FSIP1: variants seen among roughly 807,000 people sequenced by gnomAD.
The protein encoded by FSIP1 is fibrous sheath interacting protein 1, also known as fibrous sheath-interacting protein 1.
In FSIP1, 65 loss-of-function variants were observed where a neutral mutation model predicts 60.9. That is an observed-to-expected ratio of 1.07 (90% CI 0.87 to 1.31). The LOEUF is 1.31. Ranked by LOEUF, FSIP1 falls within the 40% of genes most tolerant of loss-of-function variation. The pLI, the probability that FSIP1 is intolerant of heterozygous loss-of-function variation, is 0.00. For synonymous variants in FSIP1, 209 were observed against 221.2 expected (o/e 0.94, Z 0.49); for missense variants, 675 against 665.5 (o/e 1.01, Z -0.16).
In FSIP1 at chr15:39,674,896, G is replaced by A. The variant is rs185522536; in HGVS notation, c.1188+38548C>T. Among the ~76,000 whole-genome samples the A allele has an allele frequency of 2.7e-3, 414 of 151,972 alleles. 4 individuals carry two copies. Among genetic ancestry groups the A allele is most frequent in the African/African-American group, 9.7e-3 (403 of 41,476 alleles). On this transcript the variant is annotated intron_variant, in intron 10 of 11. Coordinates refer to ENST00000350221, the MANE Select transcript of FSIP1 (RefSeq NM_152597.5). ...CATCAAAAGTCACCTTATAAAAAGT[G>A]GAAAAAAGCTACAAACTGGGAGAGG...
intron 10 of FSIP1, among the ~76,000 whole-genome samples, chr15:39,634,710 T>A (rs922042547): frequency 1.2e-4 from 19 of 152,200 alleles, no homozygotes; most frequent in Admixed American, 5.9e-4. Flanking sequence ...AAATAAAGTA[T>A]CTAAAACACA....
intron 10 of FSIP1, among the ~76,000 whole-genome samples, chr15:39,650,724 G>A (rs187226875): frequency 1.4e-4 from 22 of 152,284 alleles, no homozygotes; most frequent in East Asian, 9.6e-4. Context: ...GCATCTCAGC[G>A]TTGTGATTCT....
intron 11 of FSIP1, among the ~76,000 whole-genome samples, chr15:39,611,422 G>A (rs982368938): frequency 6.6e-5 from 10 of 152,012 alleles, no homozygotes; most frequent in Admixed American, 4.6e-4. Context: ...AAGTAGATGG[G>A]ACTACAGGTA....
chr15:39,712,407 A>G (rs1323230165), intron 10 of FSIP1, among the ~76,000 whole-genome samples: 1 of 152,194 alleles, frequency 6.6e-6, no homozygotes, highest in East Asian at 1.9e-4. Flanking sequence ...TACAAAAACC[A>G]GGTTATAAGT....
At chr15:39,646,471 G>A (rs571161138) in intron 10 of FSIP1, among the ~76,000 whole-genome samples, 1 of 133,898 alleles carries the variant, frequency 7.5e-6, no homozygotes, top group East Asian at 2.3e-4. Flanking sequence ...ATTGCTTGAG[G>A]CCAGGAGTTC....
intron 9 of FSIP1, among the ~76,000 whole-genome samples, chr15:39,725,433 G>T (rs2140590048): frequency 6.6e-6 from 1 of 152,234 alleles, no homozygotes; most frequent in Middle Eastern, 3.4e-3. Flanking sequence ...TGTTTCCTTG[G>T]AACACCTTCA....
chr15:39,694,848 A>C (rs1309562815), intron 10 of FSIP1, among the ~76,000 whole-genome samples: 1 of 151,948 alleles, frequency 6.6e-6, no homozygotes, highest in Non-Finnish European at 1.5e-5. Context: ...ATATATAAAG[A>C]CTCATTTTTA....
intron 5 of FSIP1, among the ~76,000 whole-genome samples, chr15:39,748,427 T>TG (rs1897065287): frequency 6.6e-6 from 1 of 152,122 alleles, no homozygotes; most frequent in Non-Finnish European, 1.5e-5. Flanking sequence ...GAATTTTCCC[T>TG]GGGGGTATTA....
intron 10 of FSIP1, among the ~76,000 whole-genome samples, chr15:39,703,023 C>A (rs1281554559): frequency 6.7e-6 from 1 of 150,300 alleles, no homozygotes; most frequent in African/African-American, 2.5e-5. Flanking sequence ...ATTCTTGTTG[C>A]CCAGGCTGGA....
At chr15:39,703,238 T>A (rs1264062331) in intron 10 of FSIP1, among the ~76,000 whole-genome samples, 1 of 152,160 alleles carries the variant, frequency 6.6e-6, no homozygotes, top group Non-Finnish European at 1.5e-5. Flanking sequence ...CACCTCAGCC[T>A]CCCAAAGTGC....
intron 10 of FSIP1, among the ~76,000 whole-genome samples, chr15:39,668,318 C>A (rs1032714332): frequency 6.6e-6 from 1 of 152,098 alleles, no homozygotes; most frequent in Non-Finnish European, 1.5e-5. Flanking sequence ...GTGAAGTCCC[C>A]TCCCCAGGTC....
chr15:39,699,171 A>C (rs1296984022), intron 10 of FSIP1, among the ~76,000 whole-genome samples: 2 of 152,212 alleles, frequency 1.3e-5, no homozygotes, highest in Non-Finnish European at 2.9e-5. Context: ...GAACTAACTT[A>C]TGTGGTCACC....
At chr15:39,669,205 C>G (rs1339959296) in intron 10 of FSIP1, among the ~76,000 whole-genome samples, 1 of 152,190 alleles carries the variant, frequency 6.6e-6, no homozygotes, top group East Asian at 1.9e-4. Flanking sequence ...TATTCAGTCC[C>G]TGAACAAGGG....
At chr15:39,599,626 C>T (rs116987200), downstream of FSIP1, among the ~76,000 whole-genome samples, 98 of 150,588 alleles carry the variant, frequency 6.5e-4, 1 homozygote, top group East Asian at 7.9e-3. Flanking sequence ...TCCTCTGAAA[C>T]GCTGACGGAC....
intron 11 of FSIP1, 91 bp from the exon 12 acceptor site, chr15:39,601,017 C>G: frequency 1.0e-6 from 1 of 967,820 alleles, no homozygotes; most frequent in South Asian, 1.5e-5. Context: ...ATATTAAATC[C>G]CTTTACACAT....
chr15:39,755,245 G>C (rs1184882355), intron 5 of FSIP1, among the ~76,000 whole-genome samples: 1 of 152,076 alleles, frequency 6.6e-6, no homozygotes, highest in African/African-American at 2.4e-5. Context: ...CAACAGCCAG[G>C]AACACAGTGA....
At chr15:39,716,502 C>T (rs917724651) in intron 9 of FSIP1, among the ~76,000 whole-genome samples, 3 of 152,024 alleles carry the variant, frequency 2.0e-5, no homozygotes, top group Non-Finnish European at 4.4e-5. Flanking sequence ...TCCTACAACT[C>T]GATAATAAAA....
In FSIP1 at chr15:39,672,447, T is replaced by C. The variant is rs546945190; in HGVS notation, c.1188+40997A>G. On this transcript the variant is annotated intron_variant, in intron 10 of 11. Coordinates refer to ENST00000350221, the MANE Select transcript of FSIP1 (RefSeq NM_152597.5). Reference sequence around the variant, plus strand: ...CTCTCCAGGAATAGTACAGACAAGATAGAAGAGTCAGTGGTTGAGAACTAA... The same window carrying C: ...CTCTCCAGGAATAGTACAGACAAGACAGAAGAGTCAGTGGTTGAGAACTAA... Among the ~76,000 whole-genome samples, 5 of 152,310 alleles carry C rather than the reference T, an allele frequency of 3.3e-5. No individual in the cohort carries two copies. In the South Asian group the frequency reaches 1.0e-3, roughly 32 times the overall value.
intron 5 of FSIP1, among the ~76,000 whole-genome samples, chr15:39,744,109 T>C (rs910239304): frequency 6.6e-6 from 1 of 152,216 alleles, no homozygotes; most frequent in African/African-American, 2.4e-5. Flanking sequence ...ATGTGTGTCC[T>C]TGTGTGGAGA....
Sources: allele counts gnomAD v4.1 joint callset (sites outside exome capture counted in the v4.1 genomes callset), GRCh38; gene constraint gnomAD v4.1.1; transcripts MANE v1.5; gene names NCBI Gene and HGNC (gene_info 2026-07-23, HGNC 2026-07-21).